Variants in SLC25A42 observed in about 807,000 individuals in gnomAD.
SLC25A42 encodes solute carrier family 25 member 42, also known as mitochondrial coenzyme A transporter SLC25A42.
A neutral mutation model predicts 34.7 loss-of-function variants in SLC25A42; 19 were observed. The observed-to-expected ratio is 0.55, with a 90% CI of 0.38 to 0.80. The LOEUF (loss-of-function observed/expected upper bound fraction) is 0.80. Among genes scored for constraint, SLC25A42 ranks in the 30% least tolerant of loss-of-function variants. SLC25A42 has a pLI of 0.00. For synonymous variants in SLC25A42, 205 were observed against 191.2 expected (o/e 1.07, Z -0.59); for missense variants, 364 against 441.3 (o/e 0.82, Z 1.57).
At chr19:19,074,599 G>A (rs1245880591) in intron 1 of SLC25A42, among the ~76,000 whole-genome samples, 2 of 152,152 alleles carry the variant, frequency 1.3e-5, no homozygotes, top group African/African-American at 4.8e-5. Flanking sequence ...CAGCATAAAC[G>A]GTGGGCCTGT....
chr19:19,100,855 C>T (rs1398770706), intron 2 of SLC25A42, among the ~76,000 whole-genome samples: 2 of 152,190 alleles, frequency 1.3e-5, no homozygotes, highest in South Asian at 2.1e-4. Flanking sequence ...CACTGAACAA[C>T]CTGCCCTTCC....
At chr19:19,071,010 T>TA (rs1555764451) in intron 1 of SLC25A42, among the ~76,000 whole-genome samples, 1 of 147,992 alleles carries the variant, frequency 6.8e-6, no homozygotes, top group Non-Finnish European at 1.5e-5. Context: ...TTTTTTTTTT[T>TA]AATACAGGGT....
At chr19:19,106,528 C>T in intron 6 of SLC25A42, 143 bp downstream of exon 6, 1 of 592,282 alleles carries the variant, frequency 1.7e-6, no homozygotes, top group Non-Finnish European at 2.9e-6. Context: ...ATGTGTCATT[C>T]TGCAGCTGTT....
chr19:19,083,399 G>T (rs2059690805), intron 1 of SLC25A42, among the ~76,000 whole-genome samples: 1 of 152,352 alleles, frequency 6.6e-6, no homozygotes, highest in East Asian at 1.9e-4. Flanking sequence ...CTAGGGTTTA[G>T]GATGCAGACA....
chr19:19,069,960 G>A (rs2059620573), intron 1 of SLC25A42, among the ~76,000 whole-genome samples: 1 of 151,678 alleles, frequency 6.6e-6, no homozygotes, highest in Admixed American at 6.6e-5. Flanking sequence ...CGAGTAGTTG[G>A]GATTATAGGC....
chr19:19,110,531 G>T, intron 7 of SLC25A42, 38 bp from the exon 8 acceptor site: 2 of 1,373,800 alleles, frequency 1.5e-6, no homozygotes, highest in Non-Finnish European at 9.3e-7. Context: ...GCGCCCCCTC[G>T]CGGCGCCTTC....
At chr19:19,080,748 C>T (rs1434531789) in intron 1 of SLC25A42, among the ~76,000 whole-genome samples, 2 of 151,614 alleles carry the variant, frequency 1.3e-5, no homozygotes, top group African/African-American at 2.4e-5. Flanking sequence ...GGTGAAACCC[C>T]GTCTCTACGA....
At chr19:19,075,129 G>T (rs1324164104) in intron 1 of SLC25A42, among the ~76,000 whole-genome samples, 1 of 151,968 alleles carries the variant, frequency 6.6e-6, no homozygotes, top group Non-Finnish European at 1.5e-5. Flanking sequence ...TTCCAGCCTG[G>T]GTGACAGAGT....
chr19:19,108,060 G>A lies in SLC25A42; in HGVS notation c.649+15G>A. 1 of 1,540,498 alleles carries A rather than the reference G, an allele frequency of 6.5e-7. No homozygotes were observed. Among genetic ancestry groups the A allele is most frequent in the Non-Finnish European group, 8.8e-7 (1 of 1,140,636 alleles). On this transcript the variant is annotated intron_variant, in intron 7 of 7. Transcript: ENST00000318596. ...CTTGCACAGAGGTAAGGAGAGCTGG[G>A]AGCATGAGGAGGGGACGTTCAGGAA... is the stretch of plus-strand genomic sequence containing the variant.
intron 1 of SLC25A42, among the ~76,000 whole-genome samples, chr19:19,069,033 A>G (rs954757315): frequency 3.9e-5 from 6 of 151,964 alleles, no homozygotes; most frequent in South Asian, 4.2e-4. Flanking sequence ...TCTTTAAAAA[A>G]AAAAAAAAAG....
At chr19:19,080,665 G>A (rs2059676596) in intron 1 of SLC25A42, among the ~76,000 whole-genome samples, 1 of 152,022 alleles carries the variant, frequency 6.6e-6, no homozygotes, top group Admixed American at 6.6e-5. Context: ...GTGCATGCCT[G>A]TAATCCCAGC....
intron 1 of SLC25A42, among the ~76,000 whole-genome samples, chr19:19,088,442 G>A (rs1045609221): frequency 6.6e-6 from 1 of 151,824 alleles, no homozygotes; most frequent in Non-Finnish European, 1.5e-5. Flanking sequence ...TCCTGACCTC[G>A]TGATCTGCCT....
intron 2 of SLC25A42, among the ~76,000 whole-genome samples, chr19:19,098,959 C>T (rs929283371): frequency 6.6e-6 from 1 of 152,262 alleles, no homozygotes; most frequent in Middle Eastern, 3.4e-3. Flanking sequence ...AGGAGGTAAC[C>T]ACCGAATGGA....
chr19:19,109,807 T>G lies in SLC25A42; in HGVS notation c.650-762T>G, dbSNP rs1027462697. ...AGTACCCCTACTGACCTGTTGCTGC[T>G]CCTTCCTCCTCCACACCCACACACC... On this transcript the variant is annotated intron_variant, in intron 7 of 7. Transcript: ENST00000318596. The surrounding 1 kb of genome is among the most constrained non-coding windows in gnomAD (Gnocchi z 4.1). Among the ~76,000 whole-genome samples, 1 of 152,132 alleles carries G rather than the reference T, an allele frequency of 6.6e-6. No individual in the cohort carries two copies. The highest frequency in any genetic ancestry group is 1.5e-5 in the Non-Finnish European group (1 of 68,034).
chr19:19,100,085 T>C (rs1428640364), intron 2 of SLC25A42, among the ~76,000 whole-genome samples: 1 of 151,812 alleles, frequency 6.6e-6, no homozygotes, highest in African/African-American at 2.4e-5. Flanking sequence ...CTCATGCTTG[T>C]AATCCCAGCA....
chr19:19,067,390 C>T (rs536013934), intron 1 of SLC25A42, among the ~76,000 whole-genome samples: 1 of 151,924 alleles, frequency 6.6e-6, no homozygotes, highest in East Asian at 1.9e-4. Flanking sequence ...CAGACCAGCT[C>T]GGGCAACATG....
chr19:19,104,688 G>A (rs1568523426), intron 3 of SLC25A42, among the ~76,000 whole-genome samples: 1 of 152,194 alleles, frequency 6.6e-6, no homozygotes. Context: ...TGGTAGTCTA[G>A]TCCAGGGGCA....
chr19:19,095,987 C>G, intron 1 of SLC25A42, 104 bp from the exon 2 acceptor site: 1 of 768,824 alleles, frequency 1.3e-6, no homozygotes, highest in Non-Finnish European at 2.3e-6. Flanking sequence ...GAGGGCATCC[C>G]TCCCCACGCA....
Position 19,110,688 on chromosome 19 carries a change from G to T in SLC25A42, c.769G>T (p.Ala257Ser). The T allele has an allele frequency of 6.3e-7, 1 of 1,578,270 alleles. No individual in the cohort carries two copies. The highest frequency in any genetic ancestry group is 2.4e-5 in the East Asian group (1 of 42,118). The change falls in exon 8 of 8, where the codon GCC becomes TCC. Residue 257 changes from alanine to serine, a missense_variant. Transcript: ENST00000318596. ...TGTGGTGCGGCGGCGCATGCAGACG[G>T]CCGGCGTCACGGGCTACCCGCGCGC... ...LDVVRRRMQT[A>S]GVTGYPRASI...
Sources: allele counts gnomAD v4.1 joint callset (sites outside exome capture counted in the v4.1 genomes callset), GRCh38; gene constraint gnomAD v4.1.1; non-coding constraint Gnocchi (gnomAD v3.1); transcripts MANE v1.5; gene names NCBI Gene and HGNC (gene_info 2026-07-23, HGNC 2026-07-21).